ATRN: variants seen among roughly 807,000 people sequenced by gnomAD.
The protein encoded by ATRN is attractin-2.
A neutral mutation model predicts 178.7 loss-of-function variants in ATRN; 54 were observed. That is an observed-to-expected ratio of 0.30 (90% CI 0.24 to 0.38). The LOEUF (loss-of-function observed/expected upper bound fraction) is 0.38, where lower values mean the gene tolerates loss of function less well. ATRN is among the 10% of genes least tolerant of loss of function. The pLI, the probability that ATRN is intolerant of heterozygous loss-of-function variation, is 1.00. For synonymous variants in ATRN, 636 were observed against 663.0 expected (o/e 0.96, Z 0.63); for missense variants, 1,443 against 1,815.1 (o/e 0.79, Z 3.73).
intron 3 of ATRN, among the ~76,000 whole-genome samples, chr20:3,544,337 A>G (rs1333162416): frequency 6.6e-6 from 1 of 152,172 alleles, no homozygotes; most frequent in Non-Finnish European, 1.5e-5. Flanking sequence ...CCATCTGAAC[A>G]GTGCTGTGGT....
intron 1 of ATRN, among the ~76,000 whole-genome samples, chr20:3,531,688 C>G (rs184882708): frequency 8.4e-4 from 128 of 152,160 alleles, no homozygotes; most frequent in Non-Finnish European, 1.3e-3. Context: ...AGAACCATGC[C>G]TATATCATAG....
At chr20:3,635,363 T>TAATA (rs71331055) in intron 26 of ATRN, among the ~76,000 whole-genome samples, 7,099 of 149,184 alleles carry the variant, frequency 0.048, 377 homozygotes, top group African/African-American at 0.13. Flanking sequence ...CCTATTGAAA[T>TAATA]AATAAATAAA....
chr20:3,541,076 ATTTT>A (rs1331876349), intron 3 of ATRN, among the ~76,000 whole-genome samples: 1 of 119,040 alleles, frequency 8.4e-6, no homozygotes. Context: ...ATGATAGAGG[ATTTT>A]TTTTTTTTTT....
rs2087134151 is a variant in ATRN at position 3,649,909 on chromosome 20, T to A, written c.*3062T>A. The A allele has an allele frequency of 6.6e-6, 1 of 152,186 alleles. No individual in the cohort carries two copies. Among genetic ancestry groups the A allele is most frequent in the African/African-American group, 2.4e-5 (1 of 41,434 alleles). The allele number at this position is 152,186 out of a possible 1,614,324, so 9.4% of individuals were successfully genotyped here. On this transcript the variant is annotated 3_prime_UTR_variant, in exon 29 of 29. Coordinates refer to ENST00000262919, the MANE Select transcript of ATRN (RefSeq NM_139321.3). ...CTAGTTTGTTGATAAATAGTTCCCA[T>A]TTCCCCATGGAGAATTTGACATACC...
chr20:3,637,026 A>G (rs1173513574), intron 26 of ATRN, among the ~76,000 whole-genome samples: 2 of 152,262 alleles, frequency 1.3e-5, no homozygotes, highest in African/African-American at 4.8e-5. Flanking sequence ...CTAAACAATC[A>G]ACTGGAAATT....
At chr20:3,510,385 A>G (rs185320358) in intron 1 of ATRN, among the ~76,000 whole-genome samples, 47 of 152,366 alleles carry the variant, frequency 3.1e-4, no homozygotes, top group Admixed American at 1.0e-3. Flanking sequence ...GCCATTGACT[A>G]TAAGTATGTG....
At chr20:3,637,081 A>G (rs1333546853) in intron 26 of ATRN, among the ~76,000 whole-genome samples, 2 of 152,200 alleles carry the variant, frequency 1.3e-5, no homozygotes, top group Non-Finnish European at 2.9e-5. Flanking sequence ...AGCCTACAGG[A>G]AAAAGATTAA....
At chr20:3,497,059 G>A (rs2084890205) in intron 1 of ATRN, among the ~76,000 whole-genome samples, 1 of 151,412 alleles carries the variant, frequency 6.6e-6, no homozygotes, top group South Asian at 2.1e-4. Flanking sequence ...GTGTGTCTCT[G>A]CACGTGAGAT....
At chr20:3,512,117 T>A (rs1169066393) in intron 1 of ATRN, among the ~76,000 whole-genome samples, 68 of 134,148 alleles carry the variant, frequency 5.1e-4, no homozygotes, top group East Asian at 2.2e-3. Flanking sequence ...ATTTTTTTTT[T>A]TTATTATACT....
rs2087104684 is a variant in ATRN, at chr20:3,645,947, G to A, written c.4166-776G>A. On this transcript the variant is annotated intron_variant, in intron 28 of 28. Transcript: ENST00000262919. The surrounding 1 kb of genome is among the most constrained non-coding windows in gnomAD (Gnocchi z 4.7). Reference sequence around the variant, plus strand: ...CCGTTATCAATACAGGAAGGAAAATGGGATTGCAAGTCCCCAAAGCAAAGT... The same window carrying A: ...CCGTTATCAATACAGGAAGGAAAATAGGATTGCAAGTCCCCAAAGCAAAGT... Among the ~76,000 whole-genome samples the A allele has an allele frequency of 6.6e-6, 1 of 152,196 alleles. No individual in the cohort carries two copies. The highest frequency in any genetic ancestry group is 1.5e-5 in the Non-Finnish European group (1 of 68,042).
chr20:3,629,050 C>T, intron 25 of ATRN: 1 of 985,290 alleles, frequency 1.0e-6, no homozygotes, highest in Non-Finnish European at 1.2e-6. Context: ...CTGCTGGTTC[C>T]AAGCCACTTC....
chr20:3,600,355 T>G (rs1274100615), intron 22 of ATRN, among the ~76,000 whole-genome samples: 1 of 152,218 alleles, frequency 6.6e-6, no homozygotes, highest in Non-Finnish European at 1.5e-5. Context: ...TCTCTTGAAA[T>G]AATATTTTTA....
chr20:3,557,877 A>G (rs751986843), intron 6 of ATRN, among the ~76,000 whole-genome samples: 8 of 152,238 alleles, frequency 5.3e-5, no homozygotes, highest in Non-Finnish European at 7.3e-5. Flanking sequence ...TAAGAGTGCA[A>G]TATTCCAAAA....
intron 19 of ATRN, among the ~76,000 whole-genome samples, chr20:3,591,804 C>T (rs1320758745): frequency 6.6e-6 from 1 of 152,164 alleles, no homozygotes; most frequent in Non-Finnish European, 1.5e-5. Context: ...TCCCCCTCCT[C>T]CCCCCATCAG....
At chr20:3,523,185 T>G (rs952920049) in intron 1 of ATRN, among the ~76,000 whole-genome samples, 1 of 151,824 alleles carries the variant, frequency 6.6e-6, no homozygotes, top group South Asian at 2.1e-4. Context: ...TTAGGGCAAT[T>G]GCTAACTAGA....
intron 1 of ATRN, among the ~76,000 whole-genome samples, chr20:3,525,364 C>T (rs976403930): frequency 6.6e-6 from 1 of 152,174 alleles, no homozygotes; most frequent in African/African-American, 2.4e-5. Context: ...AGTTGAATCC[C>T]TGAACAGACT....
intron 12 of ATRN, among the ~76,000 whole-genome samples, chr20:3,573,801 G>A (rs1210015954): frequency 2.6e-5 from 4 of 151,742 alleles, no homozygotes; most frequent in African/African-American, 7.3e-5. Flanking sequence ...CAGAGTCTCT[G>A]TCGCTCAGGC....
At chr20:3,523,198 A>G (rs1477321462) in intron 1 of ATRN, among the ~76,000 whole-genome samples, 3 of 152,026 alleles carry the variant, frequency 2.0e-5, no homozygotes, top group African/African-American at 7.2e-5. Flanking sequence ...TAACTAGAAT[A>G]ACCAGTTTAG....
chr20:3,590,390 G>C (rs1405550697), intron 18 of ATRN, among the ~76,000 whole-genome samples: 1 of 152,218 alleles, frequency 6.6e-6, no homozygotes, highest in Non-Finnish European at 1.5e-5. Flanking sequence ...TTTGCTTACA[G>C]TGCAGGTTGT....
Sources: allele counts gnomAD v4.1 joint callset (sites outside exome capture counted in the v4.1 genomes callset), GRCh38; gene constraint gnomAD v4.1.1; non-coding constraint Gnocchi (gnomAD v3.1); transcripts MANE v1.5; gene names NCBI Gene and HGNC (gene_info 2026-07-23, HGNC 2026-07-21).